BPNT2: variants seen among roughly 807,000 people sequenced by gnomAD.
BPNT2 encodes Golgi-resident adenosine 3',5'-bisphosphate 3'-phosphatase.
A neutral mutation model predicts 29.3 loss-of-function variants in BPNT2; 11 were observed. The ratio of observed to expected loss-of-function variants is 0.38; its 90% confidence interval spans 0.24 to 0.62. The LOEUF is 0.62. Among genes scored for constraint, BPNT2 ranks in the 20% least tolerant of loss-of-function variants. The pLI is 0.62. For synonymous variants in BPNT2, 195 were observed against 187.7 expected, an observed-to-expected ratio of 1.04 and a Z score of -0.32; for missense variants, 459 against 473.4, an observed-to-expected ratio of 0.97 and a Z score of 0.28.
chr8:56,975,633 C>A (rs551232171), intron 3 of BPNT2, among the ~76,000 whole-genome samples: 1 of 152,162 alleles, frequency 6.6e-6, no homozygotes, highest in South Asian at 2.1e-4. Context: ...CTTATGGTTT[C>A]ATGATAGGAG....
At chr8:56,970,798 T>A (rs1042536826) in intron 3 of BPNT2, among the ~76,000 whole-genome samples, 2 of 152,116 alleles carry the variant, frequency 1.3e-5, no homozygotes, top group African/African-American at 4.8e-5. Context: ...AAAGCAAATA[T>A]GTAAAACTGT....
Position 56,958,486 on chromosome 8 carries a change from G to A in BPNT2, c.*5307C>T. The A allele has an allele frequency of 6.6e-6, 1 of 152,222 alleles. No individual in the cohort carries two copies. Among genetic ancestry groups the A allele is most frequent in the Admixed American group, 6.5e-5 (1 of 15,282 alleles). 9.4% of individuals were successfully genotyped at this position (152,222 alleles called of 1,614,324 possible). ...GCTAAGTAAACTGGTGTCTAAGCAT[G>A]TGACGGCAACAGCTAATGGTCTAGT... is the stretch of plus-strand genomic sequence containing the variant. On this transcript the variant is annotated 3_prime_UTR_variant, in exon 5 of 5. Transcript: ENST00000262644.
At chr8:56,988,271 A>C (rs577131018) in intron 1 of BPNT2, among the ~76,000 whole-genome samples, 2 of 152,302 alleles carry the variant, frequency 1.3e-5, no homozygotes, top group African/African-American at 4.8e-5. Flanking sequence ...CCAATTTCTC[A>C]CAAAACTTGT....
intron 3 of BPNT2, among the ~76,000 whole-genome samples, chr8:56,970,277 T>C (rs1454013725): frequency 6.6e-6 from 1 of 152,176 alleles, no homozygotes; most frequent in Non-Finnish European, 1.5e-5. Flanking sequence ...CAGTAGGAAG[T>C]ATGTGAAAAA....
rs750573329 is a variant in BPNT2, at chr8:56,993,318, G to A, written c.268C>T (p.Leu90Phe). 5 of 1,612,120 alleles carry A rather than the reference G, an allele frequency of 3.1e-6. No individual in the cohort carries two copies. In the South Asian group the frequency reaches 5.5e-5, roughly 18 times the overall value. ...EVRRVRESNV[L>F]HEKSKGKTRE... Reference sequence around the variant, plus strand: ...GTCTTCCCCTTGGACTTCTCGTGGAGGACGTTGCTCTCGCGGACGCGCCTC... The same window carrying A: ...GTCTTCCCCTTGGACTTCTCGTGGAAGACGTTGCTCTCGCGGACGCGCCTC... The change falls in exon 1 of 5, where the codon CTC becomes TTC. Residue 90 changes from leucine to phenylalanine, a missense_variant. Leu to Phe is a conservative substitution (Grantham distance 22). Coordinates refer to ENST00000262644, the MANE Select transcript of BPNT2 (RefSeq NM_017813.5).
chr8:56,965,557 T>C (rs746624437), intron 4 of BPNT2, among the ~76,000 whole-genome samples: 22 of 152,272 alleles, frequency 1.4e-4, no homozygotes, highest in East Asian at 1.4e-3. Flanking sequence ...TTAAAAAATA[T>C]GTTCAAAAGT....
chr8:56,984,819 A>T (rs776788459), intron 1 of BPNT2, among the ~76,000 whole-genome samples: 1 of 152,088 alleles, frequency 6.6e-6, no homozygotes, highest in Non-Finnish European at 1.5e-5. Context: ...ATAATCTACA[A>T]CATTAAGTTC....
Position 56,962,252 on chromosome 8 carries a change from TTAC to T in BPNT2, c.*1538_*1540del, listed in dbSNP as rs1243674272. 1 of 152,210 alleles carries T rather than the reference TTAC, an allele frequency of 6.6e-6. No individual in the cohort carries two copies. Among genetic ancestry groups the T allele is most frequent in the Non-Finnish European group, 1.5e-5 (1 of 68,038 alleles). 9.4% of individuals were successfully genotyped at this position (152,210 alleles called of 1,614,324 possible). A position where few individuals can be genotyped will look rare whatever the true frequency, so the allele number is the denominator to read the frequency against. ...ACATTTGTGTCATATTAGATTCAGT[TTAC>T]TAATAAGAAAGTAAAGGGCTTTGGA... is the stretch of plus-strand genomic sequence containing the variant. On this transcript the variant is annotated 3_prime_UTR_variant, in exon 5 of 5. Coordinates refer to ENST00000262644, the MANE Select transcript of BPNT2 (RefSeq NM_017813.5).
intron 3 of BPNT2, among the ~76,000 whole-genome samples, chr8:56,976,408 T>C (rs1221038238): frequency 6.6e-6 from 1 of 152,204 alleles, no homozygotes; most frequent in Non-Finnish European, 1.5e-5. Context: ...GTGTGTATCC[T>C]AACTAATTCA....
chr8:56,976,843 A>C (rs183378073), intron 3 of BPNT2, among the ~76,000 whole-genome samples: 32 of 152,298 alleles, frequency 2.1e-4, no homozygotes, highest in African/African-American at 7.0e-4. Context: ...CCATTGTATC[A>C]GTGTCCTAAA....
At position 56,980,180 on chromosome 8, in the gene BPNT2, G is replaced by A. The variant is rs1431418455; in HGVS notation, c.405C>T (p.His135=). The A allele has an allele frequency of 8.7e-6, 14 of 1,613,376 alleles. No homozygotes were observed. In the Middle Eastern group the frequency reaches 5.0e-4, roughly 57 times the overall value. The change falls in exon 2 of 5, where the codon CAC becomes CAT. Residue 135 remains histidine, a synonymous_variant. Transcript: ENST00000262644. ...FPSVQINTEE[H]VDAADQEVIL... The stretch of plus-strand genomic sequence containing the variant: ...TAACCTCCTGATCAGCTGCATCCAC[G>A]TGTTCCTCAGTATTAATCTGCATTA...
At chr8:56,983,051 G>A (rs1295127495) in intron 1 of BPNT2, among the ~76,000 whole-genome samples, 7 of 152,116 alleles carry the variant, frequency 4.6e-5, no homozygotes, top group African/African-American at 9.7e-5. Flanking sequence ...GAGAAAGACC[G>A]ATTAGTGGTT....
chr8:56,963,921 G>A lies in BPNT2; in HGVS notation c.952C>T (p.Leu318=). The A allele has an allele frequency of 1.2e-6, 2 of 1,614,120 alleles. No homozygotes were observed. Among genetic ancestry groups the A allele is most frequent in the Non-Finnish European group, 1.7e-6 (2 of 1,180,024 alleles). Residue 318 remains leucine, a synonymous_variant, in exon 5 of 5, where the codon CTG becomes TTG. Coordinates refer to ENST00000262644, the MANE Select transcript of BPNT2 (RefSeq NM_017813.5). ...LKALGGHMTT[L]SGEEISYTGS... is the part of the protein sequence containing the mutation. Reference sequence around the variant, plus strand: ...GTGTAACTGATTTCTTCACCACTCAGGGTAGTCATATGCCCCCCTAGGGCT... The same window carrying A: ...GTGTAACTGATTTCTTCACCACTCAAGGTAGTCATATGCCCCCCTAGGGCT...
intron 1 of BPNT2, among the ~76,000 whole-genome samples, chr8:56,981,847 C>T (rs1446615628): frequency 6.6e-6 from 1 of 152,116 alleles, no homozygotes; most frequent in African/African-American, 2.4e-5. Flanking sequence ...GACAAGCTCC[C>T]TTTCCAGAGT....
chr8:56,977,107 T>G (rs1478954538), intron 3 of BPNT2, among the ~76,000 whole-genome samples: 1 of 152,206 alleles, frequency 6.6e-6, no homozygotes, highest in African/African-American at 2.4e-5. Flanking sequence ...GGGTCCTATC[T>G]CCAATATATC....
chr8:56,982,114 C>A (rs922957250), intron 1 of BPNT2, among the ~76,000 whole-genome samples: 1 of 151,550 alleles, frequency 6.6e-6, no homozygotes, highest in Admixed American at 6.6e-5. Flanking sequence ...CCGCTTAAAT[C>A]ATTAAATATC....
At chr8:56,983,147 T>C (rs1366045206) in intron 1 of BPNT2, among the ~76,000 whole-genome samples, 1 of 152,168 alleles carries the variant, frequency 6.6e-6, no homozygotes. Flanking sequence ...TAAAACTGAT[T>C]AATGATGATA....
chr8:56,979,418 G>C (rs1379610257), intron 2 of BPNT2, among the ~76,000 whole-genome samples: 1 of 152,078 alleles, frequency 6.6e-6, no homozygotes, highest in Non-Finnish European at 1.5e-5. Context: ...CTCCTGAAAA[G>C]TTCTGTGCTG....
chr8:56,968,999 T>G (rs1218275010), intron 3 of BPNT2, among the ~76,000 whole-genome samples: 2 of 152,118 alleles, frequency 1.3e-5, no homozygotes, highest in Non-Finnish European at 2.9e-5. Flanking sequence ...GAAAGGAGAC[T>G]GTCATGTGAA....
Sources: gnomAD v4.1 joint callset for allele counts (sites outside exome capture counted in the v4.1 genomes callset) on GRCh38, gnomAD v4.1.1 for gene constraint, MANE v1.5 for transcripts, NCBI Gene and HGNC (gene_info 2026-07-23, HGNC 2026-07-21) for gene names.